The following DRC1 variants were observed in gnomAD, a reference collection of about 807,000 sequenced individuals.
DRC1 encodes dynein regulatory complex subunit 1.
DRC1 carries 74 observed loss-of-function variants against 98.7 expected under a neutral mutation model. The observed-to-expected ratio is 0.75, with a 90% CI of 0.62 to 0.91. DRC1 has a LOEUF of 0.91. DRC1 is among the 40% of genes least tolerant of loss of function. The pLI is 0.00. For synonymous variants in DRC1, 336 were observed against 334.1 expected (o/e 1.01, Z -0.06); for missense variants, 875 against 886.0 (o/e 0.99, Z 0.16).
At chr2:26,416,061 A>G (rs761696608) in intron 2 of DRC1, among the ~76,000 whole-genome samples, 5 of 152,156 alleles carry the variant, frequency 3.3e-5, no homozygotes, top group African/African-American at 4.8e-5. Flanking sequence ...GTATAAAACC[A>G]AAGAGATAAT....
chr2:26,430,494 C>A (rs920092972), intron 5 of DRC1: 1 of 527,258 alleles, frequency 1.9e-6, no homozygotes, highest in African/African-American at 1.9e-5. Flanking sequence ...CGTGTGACTG[C>A]CAACAGGGGC....
chr2:26,410,245 A>ATAT (rs10573963), intron 1 of DRC1, among the ~76,000 whole-genome samples: 46,051 of 142,720 alleles, frequency 0.32, 8,019 homozygotes, highest in Non-Finnish European at 0.39. Flanking sequence ...TATAGAGAAA[A>ATAT]TATTATTATT....
intron 13 of DRC1, among the ~76,000 whole-genome samples, chr2:26,452,886 A>C (rs1212531989): frequency 1.3e-5 from 2 of 152,254 alleles, no homozygotes; most frequent in Non-Finnish European, 2.9e-5. Context: ...TTATATAGAC[A>C]TACTATTTCC....
intron 9 of DRC1, 120 bp from the exon 10 acceptor site, chr2:26,444,596 A>T: frequency 3.7e-6 from 4 of 1,095,322 alleles, no homozygotes; most frequent in Non-Finnish European, 5.1e-6. Context: ...CCGCCCAGGG[A>T]TGGGGCCAGG....
chr2:26,434,283 A>G (rs1663511701), intron 7 of DRC1, among the ~76,000 whole-genome samples: 1 of 152,210 alleles, frequency 6.6e-6, no homozygotes, highest in Admixed American at 6.5e-5. Flanking sequence ...TGAATAACAG[A>G]GCAAAGAGAA....
chr2:26,408,448 A>T (rs980502213), intron 1 of DRC1, among the ~76,000 whole-genome samples: 2 of 152,130 alleles, frequency 1.3e-5, no homozygotes, highest in African/African-American at 4.8e-5. Context: ...TTCTCTGTGG[A>T]ATCCGACCAG....
At chr2:26,402,172 T>C (rs779730270) in intron 1 of DRC1, 28 bp downstream of exon 1, 1 of 1,556,140 alleles carries the variant, frequency 6.4e-7, no homozygotes, top group Non-Finnish European at 8.6e-7. Context: ...CGGGGCGGGA[T>C]CCGCGCCGCA....
intron 10 of DRC1, 131 bp from the exon 11 acceptor site, chr2:26,448,560 A>G: frequency 1.1e-6 from 1 of 911,722 alleles, no homozygotes; most frequent in Non-Finnish European, 1.8e-6. Context: ...AGAGACTGAG[A>G]GAATGCCTCA....
At chr2:26,405,683 C>T (rs6742569) in intron 1 of DRC1, among the ~76,000 whole-genome samples, 50,724 of 121,818 alleles carry the variant, frequency 0.42, 11,846 homozygotes, top group Non-Finnish European at 0.53. Context: ...TTTTTGAGGC[C>T]GAGTCTCACT....
rs1664174225 is a variant in DRC1 at position 26,456,401 on chromosome 2, G to A, written c.2167-60G>A. ...ATGGGAGAGCCAGCGTGGCTCGCAA[G>A]GGTGGCAAAGAAGGAGGGCCCTGGG... On this transcript the variant is annotated intron_variant, in intron 16 of 16. Transcript: ENST00000288710. 13 of 1,608,952 alleles carry A rather than the reference G, an allele frequency of 8.1e-6. No individual in the cohort carries two copies. The East Asian group carries it at 8.9e-5, about 11-fold the overall frequency.
At position 26,444,269 on chromosome 2, in the gene DRC1, T is replaced by C; in HGVS notation, c.1076T>C (p.Ile359Thr). ...CTGAGATCAAAATATGCCAAGCAAA[T>C]AAAGCAGTTTCAGGAGGAGAACCAG... ...NNLRSKYAKQ[I>T]KQFQEENQSL... The change falls in exon 9 of 17, where the codon ATA (isoleucine) becomes ACA (threonine). Residue 359 changes from isoleucine (I) to threonine (T), a missense_variant. Physicochemically the swap from Ile to Thr is moderately conservative, Grantham distance 89. Transcript: ENST00000288710. 2.5e-6 allele frequency: 4 copies of C among 1,614,122 alleles called. No homozygotes were observed. Among genetic ancestry groups the C allele is most frequent in the Non-Finnish European group, 3.4e-6 (4 of 1,180,022 alleles).
chr2:26,433,490 A>G (rs1663491030), intron 7 of DRC1, among the ~76,000 whole-genome samples: 1 of 152,260 alleles, frequency 6.6e-6, no homozygotes, highest in South Asian at 2.1e-4. Context: ...GTAATACAAT[A>G]GCACTATTTC....
chr2:26,418,026 G>A (rs1305597346), intron 2 of DRC1, among the ~76,000 whole-genome samples: 1 of 147,156 alleles, frequency 6.8e-6, no homozygotes, highest in Non-Finnish European at 1.5e-5. Flanking sequence ...CTCATTTAAT[G>A]AGCTCCAGCT....
chr2:26,433,994 A>G (rs1237118592), intron 7 of DRC1, among the ~76,000 whole-genome samples: 1 of 152,208 alleles, frequency 6.6e-6, no homozygotes, highest in Non-Finnish European at 1.5e-5. Flanking sequence ...AGTAGGTTAA[A>G]CTTTATCATA....
At position 26,425,737 on chromosome 2, in the gene DRC1, T is replaced by C. The variant is rs76575734; in HGVS notation, c.540+1283T>C. The stretch of plus-strand genomic sequence containing the variant: ...ATATCATCTTTGGAGAAATGTCTAT[T>C]TAAATCCTTTGCTTATTTTTAAATT... On this transcript the variant is annotated intron_variant, in intron 4 of 16. Transcript: ENST00000288710. Among the ~76,000 whole-genome samples the C allele has an allele frequency of 1.3e-3, 198 of 152,340 alleles. 7 individuals carry two copies. In the East Asian group the frequency reaches 0.035, roughly 27 times the overall value.
chr2:26,455,192 A>G lies in DRC1; in HGVS notation c.2125A>G (p.Thr709Ala), dbSNP rs1459121521. The G allele has an allele frequency of 3.7e-6, 6 of 1,614,092 alleles. No homozygotes were observed. In the Admixed American group the frequency reaches 6.7e-5, roughly 18 times the overall value. The change falls in exon 16 of 17, where the codon ACA (threonine) becomes GCA (alanine). Residue 709 changes from threonine to alanine, a missense_variant. Thr to Ala is a moderately conservative substitution (Grantham distance 58). Transcript: ENST00000288710. ...AAACAGTTCTCTGGAGCAGCAGAAC[A>G]CAGAGCTGCAGGCGCTACTGCAGCA... ...LENSSLEQQN[T>A]ELQALLQQYL...
At chr2:26,415,132 G>A (rs542834992) in intron 2 of DRC1, among the ~76,000 whole-genome samples, 23 of 152,114 alleles carry the variant, frequency 1.5e-4, no homozygotes, top group African/African-American at 4.3e-4. Context: ...GGGGTAGTGC[G>A]TAGCTTGTAC....
At chr2:26,440,648 G>A in intron 8 of DRC1, 131 bp downstream of exon 8, 1 of 1,224,958 alleles carries the variant, frequency 8.2e-7, no homozygotes, top group Non-Finnish European at 1.1e-6. Context: ...ATAGTTTTTT[G>A]GAAAAGTTAA....
chr2:26,430,945 A>C, intron 6 of DRC1, 73 bp downstream of exon 6: 1 of 810,228 alleles, frequency 1.2e-6, no homozygotes. Flanking sequence ...TTTGCTAGCT[A>C]GCCTTTTTCT....
Sources: gnomAD v4.1 joint callset for allele counts (sites outside exome capture counted in the v4.1 genomes callset) on GRCh38, gnomAD v4.1.1 for gene constraint, MANE v1.5 for transcripts, NCBI Gene and HGNC (gene_info 2026-07-23, HGNC 2026-07-21) for gene names.